Variants in OAS1 observed in about 807,000 individuals in gnomAD.
OAS1 encodes the protein 2'-5'-oligoadenylate synthase 1.
A neutral mutation model predicts 38.5 loss-of-function variants in OAS1; 24 were observed. The observed-to-expected ratio is 0.62, with a 90% CI of 0.45 to 0.88. The LOEUF (loss-of-function observed/expected upper bound fraction) is 0.88. OAS1 is among the 40% of genes least tolerant of loss of function. The pLI, the probability that OAS1 is intolerant of heterozygous loss-of-function variation, is 0.00. For synonymous variants in OAS1, 169 were observed against 193.9 expected (o/e 0.87, Z 1.07); for missense variants, 482 against 493.9 (o/e 0.98, Z 0.23).
chr12:112,928,264 G>A (rs1295541046), intron 6 of OAS1, among the ~76,000 whole-genome samples: 3 of 152,190 alleles, frequency 2.0e-5, no homozygotes, highest in African/African-American at 7.2e-5. Context: ...GTTAAGACTG[G>A]AAGTTAGCAG....
intron 3 of OAS1, among the ~76,000 whole-genome samples, chr12:112,914,730 G>GTTTTTTTTT (rs60578734): frequency 1.6e-4 from 19 of 118,478 alleles, no homozygotes; most frequent in East Asian, 4.9e-4. Flanking sequence ...GTTGGTATTT[G>GTTTTTTTTT]TTTTTTTTTT....
At chr12:112,910,918 C>A in intron 2 of OAS1, 133 bp from the exon 3 acceptor site, 2 of 782,992 alleles carry the variant, frequency 2.6e-6, no homozygotes, top group Non-Finnish European at 4.0e-6. Context: ...AGGAATGGAC[C>A]TCAAGACTTC....
downstream of OAS1, among the ~76,000 whole-genome samples, chr12:112,922,110 C>G (rs1287369781): frequency 5.9e-5 from 9 of 152,152 alleles, no homozygotes; most frequent in Admixed American, 2.0e-4. Flanking sequence ...CTCTGCCCAA[C>G]AGTCTTAGAA....
intron 6 of OAS1, among the ~76,000 whole-genome samples, chr12:112,927,414 T>G (rs1360793942): frequency 1.6e-5 from 1 of 64,156 alleles, no homozygotes; most frequent in East Asian, 5.0e-4. Flanking sequence ...GAGCATAGGA[T>G]CTTCGGTGGA....
At chr12:112,923,954 A>G (rs2043545125), downstream of OAS1, among the ~76,000 whole-genome samples, 1 of 152,220 alleles carries the variant, frequency 6.6e-6, no homozygotes, top group Non-Finnish European at 1.5e-5. Context: ...TGAAACTGAA[A>G]CTACTAGAAG....
downstream of OAS1, among the ~76,000 whole-genome samples, chr12:112,920,551 T>C (rs986208244): frequency 1.8e-4 from 28 of 152,236 alleles, no homozygotes; most frequent in Non-Finnish European, 3.1e-4. Context: ...GCTTGTGTTA[T>C]ATTATGTATT....
intron 6 of OAS1, among the ~76,000 whole-genome samples, chr12:112,926,851 T>C (rs2043561575): frequency 1.3e-5 from 2 of 152,204 alleles, no homozygotes; most frequent in African/African-American, 4.8e-5. Flanking sequence ...TATCTGCAAC[T>C]GGATAAGGCA....
intron 3 of OAS1, among the ~76,000 whole-genome samples, chr12:112,915,096 T>A (rs2043438586): frequency 6.6e-6 from 1 of 152,228 alleles, no homozygotes; most frequent in Non-Finnish European, 1.5e-5. Context: ...ATTATTTCTT[T>A]TGCTTTGCAG....
downstream of OAS1, among the ~76,000 whole-genome samples, chr12:112,921,240 C>T (rs1044303063): frequency 6.6e-6 from 1 of 152,226 alleles, no homozygotes; most frequent in Non-Finnish European, 1.5e-5. Context: ...GTTTCACCAG[C>T]TATCTTGGCA....
intron 6 of OAS1, among the ~76,000 whole-genome samples, chr12:112,928,065 T>G (rs1056931465): frequency 6.6e-6 from 1 of 152,204 alleles, no homozygotes; most frequent in Non-Finnish European, 1.5e-5. Context: ...TAAAGTGACG[T>G]ATTAAGCCTA....
intron 3 of OAS1, 108 bp downstream of exon 3, chr12:112,911,343 G>A (rs1190136063): frequency 1.4e-5 from 12 of 859,088 alleles, no homozygotes; most frequent in Non-Finnish European, 2.1e-5. Context: ...GGGGAGTGGT[G>A]GAGGGAAATA....
chr12:112,907,531 T>C (rs1274353966), intron 1 of OAS1: 3 of 289,684 alleles, frequency 1.0e-5, no homozygotes, highest in Non-Finnish European at 1.3e-5. Context: ...CCAGCTCTGG[T>C]AAACAGTTTG....
intron 3 of OAS1, among the ~76,000 whole-genome samples, chr12:112,914,139 T>G (rs2043423063): frequency 2.0e-5 from 3 of 152,178 alleles, no homozygotes; most frequent in African/African-American, 7.2e-5. Context: ...TCTTATGCCT[T>G]TGCTTCCTCA....
chr12:112,914,694 G>A (rs2043430002), intron 3 of OAS1, among the ~76,000 whole-genome samples: 1 of 149,674 alleles, frequency 6.7e-6, no homozygotes, highest in African/African-American at 2.5e-5. Flanking sequence ...GATAATTAGG[G>A]ATGTTGAGCA....
intron 6 of OAS1, among the ~76,000 whole-genome samples, chr12:112,931,416 C>T (rs185372982): frequency 6.6e-6 from 1 of 152,336 alleles, no homozygotes; most frequent in African/African-American, 2.4e-5. Context: ...CTCTCTATGC[C>T]ATTTCCCTAT....
chr12:112,908,635 C>T lies in OAS1; in HGVS notation c.280C>T (p.Arg94Cys), dbSNP rs775098125. The change falls in exon 2 of 6, where the codon CGC becomes TGC. Residue 94 changes from arginine to cysteine, a missense_variant. Arg to Cys is a radical substitution (Grantham distance 180). Coordinates refer to ENST00000202917, the MANE Select transcript of OAS1 (RefSeq NM_016816.4). Reference sequence around the variant, plus strand: ...CACCACTTTTCAGGATCAGTTAAATCGCCGGGGAGAGTTCATCCAGGAAAT... The same window carrying T: ...CACCACTTTTCAGGATCAGTTAAATTGCCGGGGAGAGTTCATCCAGGAAAT... ...PLTTFQDQLN[R>C]RGEFIQEIRR... 1.1e-5 allele frequency: 18 copies of T among 1,614,046 alleles called. No homozygotes were observed. The highest frequency in any genetic ancestry group is 1.7e-5 in the Admixed American group (1 of 60,000).
chr12:112,919,415 G>C lies in OAS1; in HGVS notation c.1065G>C (p.Glu355Asp). The change falls in exon 6 of 6, where the codon GAG (glutamate) becomes GAC (aspartate). Residue 355 changes from glutamate to aspartate, a missense_variant. Glu to Asp is a conservative substitution (Grantham distance 45). Transcript: ENST00000202917. ...CTGAAAGCAACAGTGCAGACGATGA[G>C]ACCGACGATCCCAGGAGGTATCAGA... ...LLAESNSADD[E>D]TDDPRRYQKY... 1.2e-6 allele frequency: 2 copies of C among 1,613,916 alleles called. No individual in the cohort carries two copies. Among genetic ancestry groups the C allele is most frequent in the South Asian group, 1.1e-5 (1 of 91,026 alleles).
At chr12:112,914,627 G>A (rs1368124887) in intron 3 of OAS1, among the ~76,000 whole-genome samples, 1 of 151,544 alleles carries the variant, frequency 6.6e-6, no homozygotes. Flanking sequence ...TTTTTATTAT[G>A]ACCATTCTTG....
chr12:112,907,244 G>A, intron 1 of OAS1, 25 bp downstream of exon 1: 1 of 1,609,802 alleles, frequency 6.2e-7, no homozygotes, highest in South Asian at 1.1e-5. Context: ...GCCTGGCCAG[G>A]GGAGGGGTGG....
Sources: allele counts gnomAD v4.1 joint callset (sites outside exome capture counted in the v4.1 genomes callset), GRCh38; gene constraint gnomAD v4.1.1; transcripts MANE v1.5; gene names NCBI Gene and HGNC (gene_info 2026-07-23, HGNC 2026-07-21).